The following LINGO2 variants were observed in gnomAD, a reference collection of about 807,000 sequenced individuals.
The protein encoded by LINGO2 is leucine-rich repeat and immunoglobulin-like domain-containing nogo receptor-interacting protein 2.
Under a neutral mutation model 30.6 loss-of-function variants are expected in LINGO2, and 14 were observed. That is an observed-to-expected ratio of 0.46 (90% CI 0.30 to 0.72). The LOEUF (loss-of-function observed/expected upper bound fraction) is 0.72, where lower values mean the gene tolerates loss of function less well. Ranked by LOEUF, LINGO2 falls within the 30% of genes least tolerant of loss-of-function variation. The probability of loss-of-function intolerance (pLI) is 0.07; values close to 1 mark genes in which losing one functional copy is unlikely to be tolerated. For missense variants in LINGO2, 729 were observed against 751.7 expected, an observed-to-expected ratio of 0.97 and a Z score of 0.35; for synonymous variants, 317 against 288.5, an observed-to-expected ratio of 1.10 and a Z score of -1.00.
the LINGO2 span, among the ~76,000 whole-genome samples, chr9:28,919,516 G>T: frequency 0.11 from 17,144 of 152,014 alleles, 959 homozygotes; most frequent in South Asian, 0.16. Flanking sequence ...CAGCACACAA[G>T]GACCAGTAGT....
intron 3 of LINGO2, among the ~76,000 whole-genome samples, chr9:28,372,049 G>C (rs1220882965): frequency 6.6e-6 from 1 of 152,078 alleles, no homozygotes; most frequent in Non-Finnish European, 1.5e-5. Context: ...AGGATTCATT[G>C]ATAAAAATAT....
At chr9:28,556,679 G>T (rs1182587422) in intron 1 of LINGO2, among the ~76,000 whole-genome samples, 4 of 151,946 alleles carry the variant, frequency 2.6e-5, no homozygotes, top group African/African-American at 7.2e-5. Flanking sequence ...AAAAGAGCCC[G>T]CATCTCCAAG....
chr9:27,974,958 C>A (rs527691587), intron 5 of LINGO2, among the ~76,000 whole-genome samples: 25 of 152,172 alleles, frequency 1.6e-4, no homozygotes, highest in Non-Finnish European at 2.9e-4. Context: ...GAAGCACAAT[C>A]CTAACTTATC....
At chr9:29,079,731 C>A in the LINGO2 span, among the ~76,000 whole-genome samples, 413 of 151,944 alleles carry the variant, frequency 2.7e-3, 2 homozygotes, top group African/African-American at 8.4e-3. Flanking sequence ...GTATGCCTAC[C>A]AAAATGAAAG....
intron 2 of LINGO2, among the ~76,000 whole-genome samples, chr9:28,375,014 A>G (rs1232490145): frequency 6.6e-6 from 1 of 151,612 alleles, no homozygotes; most frequent in Non-Finnish European, 1.5e-5. Flanking sequence ...CTATTCTTGG[A>G]CCTTTTCTGG....
rs183589550 is a variant in LINGO2 at position 28,015,839 on chromosome 9, A to T, written c.-86-3434T>A. On this transcript the variant is annotated intron_variant, in intron 4 of 5. Coordinates refer to ENST00000379992, the Ensembl canonical transcript of LINGO2. ...TAATTTGTTCATTTTACAAATATAT[A>T]TTGGATATAACTATGCACCCTGAAC... 7.5e-3 allele frequency among the ~76,000 whole-genome samples: 1,142 copies of T among 152,172 alleles called. 29 individuals carry two copies. Among genetic ancestry groups the T allele is most frequent in the Non-Finnish European group, 8.0e-3 (543 of 68,012 alleles).
the LINGO2 span, among the ~76,000 whole-genome samples, chr9:28,920,962 A>C: frequency 2.6e-5 from 4 of 152,302 alleles, no homozygotes; most frequent in South Asian, 8.3e-4. Flanking sequence ...GAAAATTATA[A>C]AACTGTACAA....
At chr9:27,978,337 G>A (rs979450128) in intron 5 of LINGO2, among the ~76,000 whole-genome samples, 5 of 152,050 alleles carry the variant, frequency 3.3e-5, no homozygotes, top group Non-Finnish European at 4.4e-5. Flanking sequence ...TCTAAATGGG[G>A]TCTTGCTATA....
chr9:28,312,866 C>T (rs1824686027), intron 3 of LINGO2, among the ~76,000 whole-genome samples: 2 of 152,126 alleles, frequency 1.3e-5, no homozygotes, highest in South Asian at 4.1e-4. Context: ...AATCAGGGCT[C>T]TGTTGTGTCA....
At chr9:29,150,024 T>C in the LINGO2 span, among the ~76,000 whole-genome samples, 4 of 152,320 alleles carry the variant, frequency 2.6e-5, no homozygotes, top group East Asian at 7.7e-4. Flanking sequence ...AAAGGGGTTG[T>C]ATCTCCCTAC....
At chr9:28,268,284 A>G (rs1299481929) in intron 4 of LINGO2, among the ~76,000 whole-genome samples, 1 of 152,058 alleles carries the variant, frequency 6.6e-6, no homozygotes, top group Non-Finnish European at 1.5e-5. Context: ...CTAAAGATAG[A>G]TGCAATTTTG....
At chr9:28,773,366 G>GAAAAAAAAAAAAAAAAAA in the LINGO2 span, among the ~76,000 whole-genome samples, 1 of 132,230 alleles carries the variant, frequency 7.6e-6, no homozygotes, top group Non-Finnish European at 1.6e-5. Context: ...CTCCATCTCA[G>GAAAAAAAAAAAAAAAAAA]AAAAAAAAAA....
chr9:29,015,965 T>C, the LINGO2 span, among the ~76,000 whole-genome samples: 1 of 152,158 alleles, frequency 6.6e-6, no homozygotes, highest in Non-Finnish European at 1.5e-5. Flanking sequence ...TAACACACAA[T>C]GGTCAATTCT....
chr9:29,059,418 A>G, the LINGO2 span, among the ~76,000 whole-genome samples: 1 of 150,126 alleles, frequency 6.7e-6, no homozygotes, highest in Non-Finnish European at 1.5e-5. Flanking sequence ...AAAATTAAAA[A>G]ATAAATAAAT....
At chr9:28,848,707 A>C in the LINGO2 span, among the ~76,000 whole-genome samples, 1 of 151,678 alleles carries the variant, frequency 6.6e-6, no homozygotes, top group African/African-American at 2.4e-5. Flanking sequence ...GTGAAAGGCC[A>C]AAGAGATACA....
chr9:29,113,355 G>A, the LINGO2 span, among the ~76,000 whole-genome samples: 6 of 152,268 alleles, frequency 3.9e-5, no homozygotes, highest in East Asian at 1.2e-3. Context: ...AGTGTATAGG[G>A]ACAATGGCCC....
chr9:29,035,206 C>T, the LINGO2 span, among the ~76,000 whole-genome samples: 2 of 151,874 alleles, frequency 1.3e-5, no homozygotes, highest in Non-Finnish European at 2.9e-5. Flanking sequence ...AGGTCCTCAG[C>T]GGCCTCATAG....
upstream of LINGO2, among the ~76,000 whole-genome samples, chr9:28,671,742 T>C (rs539439252): frequency 1.7e-4 from 26 of 152,026 alleles, no homozygotes; most frequent in South Asian, 5.2e-3. Flanking sequence ...GACACGCATT[T>C]CCCTATATAA....
At chr9:28,310,172 C>A (rs1440122312) in intron 3 of LINGO2, among the ~76,000 whole-genome samples, 1 of 152,034 alleles carries the variant, frequency 6.6e-6, no homozygotes, top group Middle Eastern at 3.2e-3. Context: ...TATAGTCCAG[C>A]CATTCAAATT....
Sources: allele counts gnomAD v4.1 joint callset (sites outside exome capture counted in the v4.1 genomes callset), GRCh38; gene constraint gnomAD v4.1.1; transcripts MANE v1.5; gene names NCBI Gene and HGNC (gene_info 2026-07-23, HGNC 2026-07-21).